The following TBC1D22A variants were observed in gnomAD, a reference collection of about 807,000 sequenced individuals.
The protein encoded by TBC1D22A is TBC1 domain family member 22A, also known as putative GTPase activator.
A neutral mutation model predicts 60.2 loss-of-function variants in TBC1D22A; 38 were observed. The observed-to-expected ratio is 0.63, with a 90% confidence interval of 0.49 to 0.83. TBC1D22A has a LOEUF of 0.83. Ranked by LOEUF, TBC1D22A falls within the 40% of genes least tolerant of loss-of-function variation. The pLI, the probability that TBC1D22A is intolerant of heterozygous loss-of-function variation, is 0.00. For synonymous variants in TBC1D22A, 302 were observed against 281.7 expected (o/e 1.07, Z -0.72); for missense variants, 628 against 701.0 (o/e 0.90, Z 1.18).
intron 4 of TBC1D22A, among the ~76,000 whole-genome samples, chr22:46,806,140 C>T (rs982890734): frequency 7.9e-5 from 12 of 152,242 alleles, no homozygotes; most frequent in East Asian, 1.9e-4. Flanking sequence ...TGTGAGCCAC[C>T]GCGCCCGGCC....
chr22:47,163,782 C>T (rs781070005), intron 12 of TBC1D22A, among the ~76,000 whole-genome samples: 12 of 152,332 alleles, frequency 7.9e-5, no homozygotes, highest in African/African-American at 1.7e-4. Flanking sequence ...TCAAGCCACC[C>T]GGTCCTGACA....
In TBC1D22A at chr22:46,907,580, A is replaced by G. The variant is rs1252334175; in HGVS notation, c.901-4494A>G. On this transcript the variant is annotated intron_variant, in intron 7 of 12. Transcript: ENST00000337137. ...CAGGGCATCAGGGAGCAGCTGCGCC[A>G]TCCTCGCCTCCACCGTCCTCGCCTC... Among the ~76,000 whole-genome samples the G allele has an allele frequency of 2.6e-5, 4 of 152,268 alleles. No individual in the cohort carries two copies. In the East Asian group the frequency reaches 5.8e-4, roughly 22 times the overall value.
At chr22:47,127,643 G>T (rs1003561771) in intron 12 of TBC1D22A, among the ~76,000 whole-genome samples, 22 of 152,048 alleles carry the variant, frequency 1.4e-4, no homozygotes, top group African/African-American at 5.3e-4. Flanking sequence ...GTCGGGGAAG[G>T]CGGCCCCGTT....
At chr22:47,130,625 G>A (rs576370191) in intron 12 of TBC1D22A, among the ~76,000 whole-genome samples, 10 of 152,218 alleles carry the variant, frequency 6.6e-5, no homozygotes, top group African/African-American at 1.9e-4. Context: ...GCACCTTTTC[G>A]TTCCTTCCCC....
intron 5 of TBC1D22A, among the ~76,000 whole-genome samples, chr22:46,886,126 C>T (rs1448370406): frequency 6.6e-6 from 1 of 152,092 alleles, no homozygotes; most frequent in East Asian, 1.9e-4. Flanking sequence ...GTCTCAATCT[C>T]CTGACCTCGT....
At chr22:46,894,465 C>A (rs368366112) in intron 6 of TBC1D22A, among the ~76,000 whole-genome samples, 16 of 152,264 alleles carry the variant, frequency 1.1e-4, no homozygotes, top group African/African-American at 3.4e-4. Flanking sequence ...GGCTGAAAAT[C>A]GATGTTTACT....
At position 46,894,699 on chromosome 22, in the gene TBC1D22A, C is replaced by A. The variant is rs561260945; in HGVS notation, c.838-85C>A. 7.9e-6 allele frequency: 12 copies of A among 1,519,338 alleles called. 1 individual carries two copies. In the African/African-American group the frequency reaches 1.4e-4, roughly 17 times the overall value. 94.1% of individuals were successfully genotyped at this position (1,519,338 alleles called of 1,614,324 possible). On this transcript the variant is annotated intron_variant, in intron 6 of 12. Transcript: ENST00000337137. ...GGGGTAGAGGCCGGGGAAGGACTTA[C>A]CTCAGTATTGCTGTTTTAATCATAT...
chr22:46,877,113 A>G (rs2067604129), intron 4 of TBC1D22A, among the ~76,000 whole-genome samples: 1 of 152,252 alleles, frequency 6.6e-6, no homozygotes, highest in Non-Finnish European at 1.5e-5. Flanking sequence ...CGTAGTGGAC[A>G]GACCCTGGTA....
chr22:46,826,785 T>G (rs139594), intron 4 of TBC1D22A, among the ~76,000 whole-genome samples: 48,433 of 151,830 alleles, frequency 0.32, 7,922 homozygotes, highest in South Asian at 0.45. Context: ...GACAATCCCA[T>G]AGCACCCACG....
intron 10 of TBC1D22A, among the ~76,000 whole-genome samples, chr22:47,012,551 C>T (rs1416661695): frequency 2.0e-5 from 3 of 152,192 alleles, no homozygotes; most frequent in East Asian, 3.9e-4. Flanking sequence ...TCATGGCCCT[C>T]ACCTGTTTCT....
intron 11 of TBC1D22A, among the ~76,000 whole-genome samples, chr22:47,084,391 C>A (rs969230651): frequency 1.3e-5 from 2 of 152,184 alleles, no homozygotes; most frequent in Non-Finnish European, 2.9e-5. Context: ...CTGGGTGCAT[C>A]AACAGGTTGC....
intron 8 of TBC1D22A, among the ~76,000 whole-genome samples, chr22:46,929,962 T>A (rs1207640612): frequency 6.6e-6 from 1 of 152,162 alleles, no homozygotes; most frequent in African/African-American, 2.4e-5. Flanking sequence ...AGAGCTCAGT[T>A]TGGGCCATTT....
chr22:47,042,868 A>G (rs569315268), intron 11 of TBC1D22A, among the ~76,000 whole-genome samples: 4 of 152,344 alleles, frequency 2.6e-5, no homozygotes, highest in Non-Finnish European at 4.4e-5. Context: ...TTTCTTCAGC[A>G]TGGCCAGTGC....
At chr22:46,916,394 A>G (rs1401479853) in intron 8 of TBC1D22A, among the ~76,000 whole-genome samples, 1 of 152,236 alleles carries the variant, frequency 6.6e-6, no homozygotes, top group Non-Finnish European at 1.5e-5. Flanking sequence ...TGAGTCAGGA[A>G]TACATGGTAT....
intron 4 of TBC1D22A, among the ~76,000 whole-genome samples, chr22:46,852,065 C>T (rs142490472): frequency 3.9e-3 from 588 of 152,236 alleles, no homozygotes; most frequent in African/African-American, 0.014. Context: ...TCAGGGGCGC[C>T]GCAGGCAGCT....
chr22:46,785,782 T>C (rs917048817), intron 1 of TBC1D22A, among the ~76,000 whole-genome samples: 1 of 152,214 alleles, frequency 6.6e-6, no homozygotes, highest in Non-Finnish European at 1.5e-5. Flanking sequence ...GTATCACTAC[T>C]TTTGTTTTGA....
In TBC1D22A at chr22:47,080,620, T is replaced by TA. The variant is rs77313180; in HGVS notation, c.1330-30883dup. On this transcript the variant is annotated intron_variant, in intron 11 of 12. Coordinates refer to ENST00000337137, the MANE Select transcript of TBC1D22A (RefSeq NM_014346.5). ...GCTTGGGGAGCTAACCATATACCTG[T>TA]AAAAATATATATATATATATATGAA... is the stretch of plus-strand genomic sequence containing the variant. Among the ~76,000 whole-genome samples, 836 of 115,436 alleles carry TA rather than the reference T, an allele frequency of 7.2e-3. 10 individuals carry two copies. The highest frequency in any genetic ancestry group is 0.024 in the African/African-American group (710 of 29,082). The allele number at this position is 115,436 out of a possible 152,430, so 75.7% of individuals were successfully genotyped here.
chr22:47,149,606 C>G (rs2067424454), intron 12 of TBC1D22A, among the ~76,000 whole-genome samples: 1 of 152,220 alleles, frequency 6.6e-6, no homozygotes, highest in Admixed American at 6.5e-5. Flanking sequence ...ACCAAGGCCA[C>G]CAGCCCTGCC....
At chr22:47,136,753 A>G (rs5766691) in intron 12 of TBC1D22A, among the ~76,000 whole-genome samples, 111,192 of 152,164 alleles carry the variant, frequency 0.73, 40,983 homozygotes, top group East Asian at 0.97. Flanking sequence ...GTGAGCAAGG[A>G]CAGTGGACGT....
Sources: allele counts gnomAD v4.1 joint callset (sites outside exome capture counted in the v4.1 genomes callset), GRCh38; gene constraint gnomAD v4.1.1; transcripts MANE v1.5; gene names NCBI Gene and HGNC (gene_info 2026-07-23, HGNC 2026-07-21).